Variants in COL15A1 observed in about 807,000 individuals in gnomAD.
COL15A1 encodes collagen type XV alpha 1 chain.
COL15A1 carries 111 observed loss-of-function variants against 165.9 expected under a neutral mutation model. The ratio of observed to expected loss-of-function variants is 0.67; its 90% CI spans 0.57 to 0.78. The LOEUF is 0.78. Among genes scored for constraint, COL15A1 ranks in the 30% least tolerant of loss-of-function variants. The probability of loss-of-function intolerance (pLI) is 0.00; values close to 1 mark genes in which losing one functional copy is unlikely to be tolerated. For missense variants in COL15A1, 1,745 were observed against 1,789.7 expected, an observed-to-expected ratio of 0.98 and a Z score of 0.45; for synonymous variants, 659 against 674.8, an observed-to-expected ratio of 0.98 and a Z score of 0.36.
Position 98,990,254 on chromosome 9 carries a change from A to G in COL15A1, c.804+996A>G, listed in dbSNP as rs115079335. The stretch of plus-strand genomic sequence containing the variant: ...AGCAAACCAAGGCCCAGATAGGGGA[A>G]GACACTGACTGAAGGGTGTATGGGC... On this transcript the variant is annotated intron_variant, in intron 5 of 41. Transcript: ENST00000375001. 2.1e-3 allele frequency among the ~76,000 whole-genome samples: 317 copies of G among 152,360 alleles called. 3 individuals are homozygous for G. The highest frequency in any genetic ancestry group is 7.2e-3 in the African/African-American group (300 of 41,582).
At chr9:99,014,777 A>G (rs1407509838) in intron 9 of COL15A1, among the ~76,000 whole-genome samples, 1 of 152,250 alleles carries the variant, frequency 6.6e-6, no homozygotes, top group East Asian at 1.9e-4. Context: ...GACATGAGAC[A>G]TCAATCAGTA....
chr9:99,058,276 T>A (rs1307571547), intron 35 of COL15A1, among the ~76,000 whole-genome samples: 1 of 152,134 alleles, frequency 6.6e-6, no homozygotes, highest in East Asian at 1.9e-4. Flanking sequence ...CTGACTTGGG[T>A]GAGGTACCCA....
At chr9:98,970,484 A>G (rs1372426697) in intron 2 of COL15A1, among the ~76,000 whole-genome samples, 1 of 152,248 alleles carries the variant, frequency 6.6e-6, no homozygotes, top group African/African-American at 2.4e-5. Flanking sequence ...AGGGGGTAGC[A>G]GGAGAAGACA....
At chr9:99,050,085 T>A (rs1839561350) in intron 30 of COL15A1, among the ~76,000 whole-genome samples, 190 bp downstream of exon 30, 1 of 152,180 alleles carries the variant, frequency 6.6e-6, no homozygotes, top group South Asian at 2.1e-4. Flanking sequence ...ATATACTGGA[T>A]CTTCTAAGGG....
At chr9:99,009,728 T>A (rs1209368014) in intron 9 of COL15A1, among the ~76,000 whole-genome samples, 2 of 152,222 alleles carry the variant, frequency 1.3e-5, no homozygotes, top group Non-Finnish European at 2.9e-5. Context: ...TTGAAGAGAT[T>A]GATTTCTCAA....
In COL15A1 at chr9:98,999,068, C is replaced by T. The variant is rs574783236; in HGVS notation, c.953-1771C>T. Among the ~76,000 whole-genome samples the T allele has an allele frequency of 1.9e-3, 295 of 152,304 alleles. 3 individuals carry two copies. The highest frequency in any genetic ancestry group is 6.5e-3 in the African/African-American group (270 of 41,550). On this transcript the variant is annotated intron_variant, in intron 6 of 41. Coordinates refer to ENST00000375001, the MANE Select transcript of COL15A1 (RefSeq NM_001855.5). ...CCCCTGGTGGTCAGAGCAGGGAAGA[C>T]GAGAGTGCTCGACCCGTGCTGGCCA... is the stretch of plus-strand genomic sequence containing the variant.
intron 2 of COL15A1, among the ~76,000 whole-genome samples, chr9:98,982,499 C>T (rs932427736): frequency 6.6e-6 from 1 of 152,168 alleles, no homozygotes; most frequent in African/African-American, 2.4e-5. Context: ...GGGTCTGGTA[C>T]GATAGAAACT....
At chr9:99,049,158 A>G (rs538858344) in intron 28 of COL15A1, among the ~76,000 whole-genome samples, 1 of 152,332 alleles carries the variant, frequency 6.6e-6, no homozygotes, top group East Asian at 1.9e-4. Context: ...CTCTAGGCTT[A>G]GAGGAGAAAC....
Position 99,059,958 on chromosome 9 carries a change from G to A in COL15A1, c.3402+5G>A. 1.9e-6 allele frequency: 3 copies of A among 1,613,788 alleles called. No homozygotes were observed. Among genetic ancestry groups the A allele is most frequent in the Non-Finnish European group, 2.5e-6 (3 of 1,179,896 alleles). ...CTTCCCGGATCCAGAAACCTGGTCA[G>A]TATTATCATCAGTGTGTAGTCATCA... On this transcript the variant is annotated splice_donor_5th_base_variant and intron_variant, in intron 36 of 41. Transcript: ENST00000375001.
chr9:99,044,775 G>T lies in COL15A1; in HGVS notation c.2679+5G>T. 6.2e-7 allele frequency: 1 copy of T among 1,612,898 alleles called. No individual in the cohort carries two copies. Among genetic ancestry groups the T allele is most frequent in the Non-Finnish European group, 8.5e-7 (1 of 1,178,890 alleles). ...CATGGAGCCCCAGGACCAATGGTAA[G>T]TCAGAGCGTCTCTCAGCTGGATCTG... On this transcript the variant is annotated splice_donor_5th_base_variant and intron_variant, in intron 26 of 41. Coordinates refer to ENST00000375001, the MANE Select transcript of COL15A1 (RefSeq NM_001855.5).
At chr9:99,061,819 G>A in intron 36 of COL15A1, 152 bp from the exon 37 acceptor site, 2 of 635,262 alleles carry the variant, frequency 3.1e-6, no homozygotes, top group East Asian at 5.8e-5. Flanking sequence ...AGTTACTAAT[G>A]AAGGTATATA....
At chr9:99,037,188 A>C (rs538969111) in intron 21 of COL15A1, among the ~76,000 whole-genome samples, 62 of 152,330 alleles carry the variant, frequency 4.1e-4, no homozygotes, top group African/African-American at 1.5e-3. Flanking sequence ...TCATCCTTCA[A>C]ACCCCCATCA....
At position 99,026,382 on chromosome 9, in the gene COL15A1, G is replaced by A. The variant is rs570637955; in HGVS notation, c.2043+416G>A. ...GCACGGTGGCCTTGGGCTCCCAGTT[G>A]CTGTCCCATTCTCTCCACCCACCCT... On this transcript the variant is annotated intron_variant, in intron 16 of 41. Coordinates refer to ENST00000375001, the MANE Select transcript of COL15A1 (RefSeq NM_001855.5). Among the ~76,000 whole-genome samples, 7 of 152,244 alleles carry A rather than the reference G, an allele frequency of 4.6e-5. 1 individual carries two copies. The South Asian group carries it at 1.5e-3, about 32-fold the overall frequency.
intron 41 of COL15A1, 51 bp downstream of exon 41, chr9:99,068,721 G>T: frequency 5.4e-6 from 6 of 1,101,084 alleles, no homozygotes; most frequent in Non-Finnish European, 7.8e-6. Context: ...AGTTTTAGGG[G>T]GCATCCTAAC....
chr9:99,022,439 C>A (rs1443140617), intron 13 of COL15A1, among the ~76,000 whole-genome samples: 1 of 152,228 alleles, frequency 6.6e-6, no homozygotes, highest in Non-Finnish European at 1.5e-5. Flanking sequence ...TTCCCCATCT[C>A]TGAGGATGGC....
At chr9:98,976,303 G>A (rs1159161478) in intron 2 of COL15A1, among the ~76,000 whole-genome samples, 2 of 152,236 alleles carry the variant, frequency 1.3e-5, no homozygotes, top group African/African-American at 4.8e-5. Flanking sequence ...AGTGTTTGAA[G>A]GCAGTGAAAA....
At position 98,943,972 on chromosome 9, in the gene COL15A1, G is replaced by C. The variant is rs1382667563; in HGVS notation, c.-90G>C. On this transcript the variant is annotated 5_prime_UTR_variant, in exon 1 of 42. Coordinates refer to ENST00000375001, the MANE Select transcript of COL15A1 (RefSeq NM_001855.5). Reference sequence around the variant, plus strand: ...CCCTGCAGGAAGGGCGAGCGCGGCGGCCAGCGCTCAGCGACCCTTCGTCCT... The same window carrying C: ...CCCTGCAGGAAGGGCGAGCGCGGCGCCCAGCGCTCAGCGACCCTTCGTCCT... 2.6e-6 allele frequency: 4 copies of C among 1,558,264 alleles called. No individual in the cohort carries two copies. Among genetic ancestry groups the C allele is most frequent in the African/African-American group, 1.4e-5 (1 of 73,824 alleles).
Position 99,015,415 on chromosome 9 carries a change from A to T in COL15A1, c.1354-2A>T. ...CAGCTCCTCATGCCAATTTCATTTCAGGGTCCAAGCAGTGAAGACAGTTTA... is the reference window on the plus strand; with the variant it reads ...CAGCTCCTCATGCCAATTTCATTTCTGGGTCCAAGCAGTGAAGACAGTTTA... On this transcript the variant is annotated splice_acceptor_variant, in intron 9 of 41. Transcript: ENST00000375001. LOFTEE classifies it high-confidence loss of function. 6.2e-7 allele frequency: 1 copy of T among 1,605,036 alleles called. No homozygotes were observed. Among genetic ancestry groups the T allele is most frequent in the Non-Finnish European group, 8.5e-7 (1 of 1,173,032 alleles).
intron 35 of COL15A1, among the ~76,000 whole-genome samples, chr9:99,057,745 G>T (rs1398587052): frequency 6.6e-6 from 1 of 152,164 alleles, no homozygotes; most frequent in East Asian, 1.9e-4. Context: ...AATAATAGCA[G>T]CAATAATAGC....
Sources: allele counts gnomAD v4.1 joint callset (sites outside exome capture counted in the v4.1 genomes callset), GRCh38; gene constraint gnomAD v4.1.1; transcripts MANE v1.5; gene names NCBI Gene and HGNC (gene_info 2026-07-23, HGNC 2026-07-21).